MYT1: variants seen among roughly 807,000 people sequenced by gnomAD.
MYT1 encodes myelin transcription factor 1, also known as myelin transcription factor I.
MYT1 carries 23 observed loss-of-function variants against 123.0 expected under a neutral mutation model. The ratio of observed to expected loss-of-function variants is 0.19; its 90% CI spans 0.13 to 0.26. The LOEUF (loss-of-function observed/expected upper bound fraction) is 0.26, where lower values mean the gene tolerates loss of function less well. MYT1 is among the 10% of genes least tolerant of loss of function. The pLI is 1.00. For synonymous variants in MYT1, 518 were observed against 575.3 expected (o/e 0.90, Z 1.43); for missense variants, 1,125 against 1,472.5 (o/e 0.76, Z 3.86).
Position 64,202,863 on chromosome 20 carries a change from C to T in MYT1, c.87-2172C>T, listed in dbSNP as rs891393455. 1.1e-4 allele frequency among the ~76,000 whole-genome samples: 16 copies of T among 152,180 alleles called. No homozygotes were observed. The highest frequency in any genetic ancestry group is 3.6e-4 in the African/African-American group (15 of 41,450). On this transcript the variant is annotated intron_variant, in intron 4 of 22. Coordinates refer to ENST00000328439, the MANE Select transcript of MYT1 (RefSeq NM_004535.3). The surrounding 1 kb of genome is among the most constrained non-coding windows in gnomAD (Gnocchi z 5.0). ...TCAAGGCTGGGGAATTCCCTCCTCC[C>T]GGAGAAAAGAGGCTCGGGAGTCCTG... is the stretch of plus-strand genomic sequence containing the variant.
intron 4 of MYT1, among the ~76,000 whole-genome samples, chr20:64,200,248 C>A (rs1272876707): frequency 6.6e-6 from 1 of 152,224 alleles, no homozygotes; most frequent in Non-Finnish European, 1.5e-5. Flanking sequence ...CTTACCGGAC[C>A]CTCACAAGTG....
chr20:64,227,411 G>C lies in MYT1; in HGVS notation c.2529-4G>C, dbSNP rs1462394731. 3 of 1,612,490 alleles carry C rather than the reference G, an allele frequency of 1.9e-6. No individual in the cohort carries two copies. The African/African-American group carries it at 4.0e-5, about 22-fold the overall frequency. Reference sequence around the variant, plus strand: ...TCCCGTTCCAGTTCTGCTTCCCTCTGCAGGTGCCCCACGCCCGGCTGTGAC... The same window carrying C: ...TCCCGTTCCAGTTCTGCTTCCCTCTCCAGGTGCCCCACGCCCGGCTGTGAC... On this transcript the variant is annotated splice_polypyrimidine_tract_variant and splice_region_variant and intron_variant, in intron 16 of 22. Coordinates refer to ENST00000328439, the MANE Select transcript of MYT1 (RefSeq NM_004535.3).
intron 18 of MYT1, among the ~76,000 whole-genome samples, chr20:64,228,886 C>A (rs536260233): frequency 3.3e-5 from 5 of 152,194 alleles, no homozygotes; most frequent in African/African-American, 1.2e-4. Flanking sequence ...CCGGCTCGGT[C>A]GGGACGGGGC....
At chr20:64,173,389 G>T (rs1410255198) in intron 1 of MYT1, among the ~76,000 whole-genome samples, 1 of 152,166 alleles carries the variant, frequency 6.6e-6, no homozygotes, top group Non-Finnish European at 1.5e-5. Flanking sequence ...GCCTGGCCTA[G>T]TCAGTAGAGA....
chr20:64,205,182 C>A, intron 5 of MYT1, 85 bp downstream of exon 5: 1 of 1,491,166 alleles, frequency 6.7e-7, no homozygotes, highest in Non-Finnish European at 9.3e-7. Flanking sequence ...AACTTTCCAT[C>A]TTTTTCCATG....
chr20:64,183,179 A>G (rs894663589), intron 1 of MYT1, among the ~76,000 whole-genome samples: 3 of 152,228 alleles, frequency 2.0e-5, no homozygotes, highest in East Asian at 1.9e-4. Flanking sequence ...CTGAACACGA[A>G]GTTTTTGAGA....
At position 64,232,662 on chromosome 20, in the gene MYT1, C is replaced by T. The variant is rs1470820649; in HGVS notation, c.2897+277C>T. The stretch of plus-strand genomic sequence containing the variant: ...CTTCCTGGCTGGGTGTTATGCTGGA[C>T]ACAGAGGCCACACATGAGCAGAGCC... On this transcript the variant is annotated intron_variant, in intron 19 of 22. Coordinates refer to ENST00000328439, the MANE Select transcript of MYT1 (RefSeq NM_004535.3). This position sits in a 1 kb window ranked among gnomAD's most constrained non-coding sequence, Gnocchi z 6.9. 6.6e-6 allele frequency among the ~76,000 whole-genome samples: 1 copy of T among 152,100 alleles called. No individual in the cohort carries two copies. The highest frequency in any genetic ancestry group is 1.9e-4 in the East Asian group (1 of 5,188).
intron 1 of MYT1, among the ~76,000 whole-genome samples, chr20:64,169,997 C>A (rs1257266696): frequency 1.3e-5 from 2 of 151,772 alleles, no homozygotes; most frequent in African/African-American, 4.8e-5. Context: ...GTGCCCCAGG[C>A]TGCCATGGAG....
At position 64,193,032 on chromosome 20, in the gene MYT1, A is replaced by T. The variant is rs1260591790; in HGVS notation, c.-1+2872A>T. 6.6e-6 allele frequency among the ~76,000 whole-genome samples: 1 copy of T among 152,214 alleles called. No individual in the cohort carries two copies. The highest frequency in any genetic ancestry group is 1.5e-5 in the Non-Finnish European group (1 of 68,030). On this transcript the variant is annotated intron_variant, in intron 2 of 22. Transcript: ENST00000328439. This position sits in a 1 kb window ranked among gnomAD's most constrained non-coding sequence, Gnocchi z 4.0. ...AGCTGTCAAGAGAACCCCTTCTCAG[A>T]CATGTGTTAAATAATGCCCCATGGA...
At chr20:64,224,588 C>G (rs1271912430) in intron 16 of MYT1, among the ~76,000 whole-genome samples, 3 of 152,242 alleles carry the variant, frequency 2.0e-5, no homozygotes, top group Admixed American at 2.0e-4. Flanking sequence ...AGGCTGAGAT[C>G]ACCACAGCAG....
intron 6 of MYT1, among the ~76,000 whole-genome samples, chr20:64,207,211 A>G (rs1257194245): frequency 1.3e-5 from 2 of 152,176 alleles, no homozygotes; most frequent in Non-Finnish European, 2.9e-5. Context: ...ATTATGAAAC[A>G]ATTATTATTA....
intron 13 of MYT1, among the ~76,000 whole-genome samples, chr20:64,221,389 G>A (rs939746812): frequency 6.6e-6 from 1 of 152,238 alleles, no homozygotes; most frequent in African/African-American, 2.4e-5. Context: ...ACCTGCTGTG[G>A]TCAAGGCATC....
chr20:64,222,250 C>A (rs757482657), intron 14 of MYT1, among the ~76,000 whole-genome samples: 1 of 152,224 alleles, frequency 6.6e-6, no homozygotes, highest in Non-Finnish European at 1.5e-5. Context: ...GGCTTTACTG[C>A]AATCTTCTAA....
chr20:64,214,733 A>G (rs1315039821), intron 10 of MYT1, among the ~76,000 whole-genome samples: 2 of 152,246 alleles, frequency 1.3e-5, no homozygotes, highest in Admixed American at 6.5e-5. Flanking sequence ...CTGTCTCACC[A>G]GACAAGAGTG....
chr20:64,212,184 G>A lies in MYT1; in HGVS notation c.1517+46G>A, dbSNP rs1983688583. 4.6e-6 allele frequency: 3 copies of A among 655,632 alleles called. No homozygotes were observed. Among genetic ancestry groups the A allele is most frequent in the Non-Finnish European group, 7.1e-6 (3 of 420,914 alleles). 40.6% of individuals were successfully genotyped at this position (655,632 alleles called of 1,614,324 possible). A position where few individuals can be genotyped will look rare whatever the true frequency, so the allele number is the denominator to read the frequency against. ...CGTAGTGGGGGCCAGGGTGGGGGCCGTGGTGGGGGCCAGGGTGGGGGCCGT... is the reference window on the plus strand; with the variant it reads ...CGTAGTGGGGGCCAGGGTGGGGGCCATGGTGGGGGCCAGGGTGGGGGCCGT... On this transcript the variant is annotated intron_variant, in intron 9 of 22. Coordinates refer to ENST00000328439, the MANE Select transcript of MYT1 (RefSeq NM_004535.3). The surrounding 1 kb of genome is among the most constrained non-coding windows in gnomAD (Gnocchi z 6.8).
intron 1 of MYT1, among the ~76,000 whole-genome samples, chr20:64,180,390 A>C (rs1005557190): frequency 1.1e-4 from 17 of 152,238 alleles, no homozygotes; most frequent in African/African-American, 4.1e-4. Context: ...CTCTTCCAAC[A>C]GTGAGAAAGC....
At chr20:64,206,461 C>G (rs565714028) in intron 6 of MYT1, among the ~76,000 whole-genome samples, 1 of 152,140 alleles carries the variant, frequency 6.6e-6, no homozygotes, top group Non-Finnish European at 1.5e-5. Context: ...CCCTGGGTCC[C>G]GGAGGGAGGG....
intron 1 of MYT1, among the ~76,000 whole-genome samples, chr20:64,171,462 G>T (rs906773055): frequency 6.6e-6 from 1 of 152,226 alleles, no homozygotes; most frequent in South Asian, 2.1e-4. Context: ...CACCCACACC[G>T]GTGGCCTGGG....
At chr20:64,179,657 G>C (rs1982581262) in intron 1 of MYT1, among the ~76,000 whole-genome samples, 1 of 151,996 alleles carries the variant, frequency 6.6e-6, no homozygotes, top group African/African-American at 2.4e-5. Flanking sequence ...CCTCGGTCCA[G>C]CTCCCCTGTC....
Sources: allele counts gnomAD v4.1 joint callset (sites outside exome capture counted in the v4.1 genomes callset), GRCh38; gene constraint gnomAD v4.1.1; non-coding constraint Gnocchi (gnomAD v3.1); transcripts MANE v1.5; gene names NCBI Gene and HGNC (gene_info 2026-07-23, HGNC 2026-07-21).